Variants in EHBP1 observed in about 807,000 individuals in gnomAD.
EHBP1 encodes the protein EH domain binding protein 1, also known as EH domain-binding protein 1.
A neutral mutation model predicts 144.0 loss-of-function variants in EHBP1; 55 were observed. The ratio of observed to expected loss-of-function variants is 0.38; its 90% CI spans 0.31 to 0.48. The LOEUF (loss-of-function observed/expected upper bound fraction) is 0.48. EHBP1 is among the 20% of genes least tolerant of loss of function. The pLI, the probability that EHBP1 is intolerant of heterozygous loss-of-function variation, is 0.98. For synonymous variants in EHBP1, 469 were observed against 472.7 expected (o/e 0.99, Z 0.10); for missense variants, 1,200 against 1,364.2 (o/e 0.88, Z 1.90).
rs567162210 is a variant in EHBP1, at chr2:62,932,132, G to A, written c.1186-10586G>A. Among the ~76,000 whole-genome samples, 8 of 151,250 alleles carry A rather than the reference G, an allele frequency of 5.3e-5. No individual in the cohort carries two copies. In the South Asian group the frequency reaches 1.7e-3, roughly 32 times the overall value. On this transcript the variant is annotated intron_variant, in intron 10 of 22. Transcript: ENST00000431489. ...GTGGAGGTTGCAGTGGGCCAAGATTGTGCCACTGTACTCTAGCCTGGGTGG... is the reference window on the plus strand; with the variant it reads ...GTGGAGGTTGCAGTGGGCCAAGATTATGCCACTGTACTCTAGCCTGGGTGG...
rs1207402012 is a variant in EHBP1, at chr2:62,948,777, A to G, written c.1931A>G (p.Gln644Arg). Residue 644 changes from glutamine to arginine, a missense_variant, in exon 13 of 23, where the codon CAA becomes CGA. Physicochemically the swap from Gln to Arg is conservative, Grantham distance 43. Transcript: ENST00000431489. Reference protein sequence around the residue: ...PGICSNTDSTQAQVLLGKKRL... With the variant: ...PGICSNTDSTRAQVLLGKKRL... The stretch of plus-strand genomic sequence containing the variant: ...ATATGTTCCAATACAGATTCAACCC[A>G]AGCACAGGTTTTGTTAGGCAAAAAG... The G allele has an allele frequency of 1.2e-6, 2 of 1,614,020 alleles. No homozygotes were observed. Among genetic ancestry groups the G allele is most frequent in the Non-Finnish European group, 8.5e-7 (1 of 1,179,996 alleles).
chr2:62,754,419 A>C (rs2040064015), intron 3 of EHBP1, among the ~76,000 whole-genome samples: 1 of 152,184 alleles, frequency 6.6e-6, no homozygotes. Flanking sequence ...GGTGCCTCCC[A>C]GTTAGGCTAC....
chr2:62,956,693 A>G (rs1383207296), intron 14 of EHBP1, among the ~76,000 whole-genome samples: 2 of 59,428 alleles, frequency 3.4e-5, no homozygotes, highest in Admixed American at 1.6e-4. Flanking sequence ...TTACAGAAAA[A>G]AAAAAAAAAA....
At chr2:62,925,317 T>C (rs2055412112) in intron 10 of EHBP1, among the ~76,000 whole-genome samples, 1 of 151,940 alleles carries the variant, frequency 6.6e-6, no homozygotes, top group African/African-American at 2.4e-5. Flanking sequence ...CTCTTACCAC[T>C]TCTATTCAGC....
At chr2:62,673,926 G>A (rs888541544) in exon 1 of EHBP1, 2 of 423,730 alleles carry the variant, frequency 4.7e-6, no homozygotes, top group Middle Eastern at 3.6e-4. Context: ...AGAGACTGGG[G>A]ATTTGGAGGT....
chr2:62,689,547 G>A (rs1221109351), intron 1 of EHBP1, among the ~76,000 whole-genome samples: 1 of 152,128 alleles, frequency 6.6e-6, no homozygotes, highest in African/African-American at 2.4e-5. Flanking sequence ...GGGAGGCTGA[G>A]GCAGGAGAAT....
At chr2:62,858,716 A>T (rs1457959246) in intron 7 of EHBP1, among the ~76,000 whole-genome samples, 1 of 152,222 alleles carries the variant, frequency 6.6e-6, no homozygotes, top group African/African-American at 2.4e-5. Flanking sequence ...TCCTTGATAG[A>T]CAGTGGTTTT....
intron 21 of EHBP1, among the ~76,000 whole-genome samples, chr2:63,042,259 A>T (rs1391405264): frequency 6.6e-6 from 1 of 152,200 alleles, no homozygotes; most frequent in African/African-American, 2.4e-5. Context: ...TTTAAAAAAG[A>T]TAAAAATAGT....
At chr2:62,994,023 A>ATTAT in intron 18 of EHBP1, 46 bp downstream of exon 18, 1 of 1,342,062 alleles carries the variant, frequency 7.5e-7, no homozygotes, top group Non-Finnish European at 1.0e-6. Context: ...ATAATTCCAA[A>ATTAT]CTGTATGTGG....
At chr2:62,902,087 A>G (rs2053460399) in intron 10 of EHBP1, among the ~76,000 whole-genome samples, 1 of 152,220 alleles carries the variant, frequency 6.6e-6, no homozygotes, top group African/African-American at 2.4e-5. Flanking sequence ...CTACCTGATA[A>G]ATCAAGTATT....
chr2:62,843,521 G>A (rs1032135215), intron 7 of EHBP1, among the ~76,000 whole-genome samples: 41 of 152,100 alleles, frequency 2.7e-4, no homozygotes, highest in Admixed American at 1.4e-3. Context: ...AATCATTGTA[G>A]CATATTTTTT....
chr2:62,795,818 TC>T (rs2043499096), intron 5 of EHBP1, among the ~76,000 whole-genome samples: 1 of 152,078 alleles, frequency 6.6e-6, no homozygotes, highest in South Asian at 2.1e-4. Context: ...TTCCTGGATT[TC>T]CTGCCCTTCC....
chr2:62,716,689 A>G (rs1042866009), intron 2 of EHBP1, among the ~76,000 whole-genome samples: 1 of 152,194 alleles, frequency 6.6e-6, no homozygotes, highest in Non-Finnish European at 1.5e-5. Context: ...GTTGTCTTCC[A>G]TTGGTTCAGC....
At position 62,942,706 on chromosome 2, in the gene EHBP1, A is replaced by T; in HGVS notation, c.1186-12A>T. 2 of 1,553,794 alleles carry T rather than the reference A, an allele frequency of 1.3e-6. No individual in the cohort carries two copies. Among genetic ancestry groups the T allele is most frequent in the Admixed American group, 2.0e-5 (1 of 50,312 alleles). ...ATTCTTTTAATGTTTTCCCCTTTTCATTTTTTTCTAGCCAAGCCCTATACC... is the reference window on the plus strand; with the variant it reads ...ATTCTTTTAATGTTTTCCCCTTTTCTTTTTTTTCTAGCCAAGCCCTATACC... On this transcript the variant is annotated splice_polypyrimidine_tract_variant and intron_variant, in intron 10 of 22. Transcript: ENST00000431489.
chr2:62,759,334 A>C (rs1051724706), intron 3 of EHBP1, among the ~76,000 whole-genome samples: 3 of 152,196 alleles, frequency 2.0e-5, no homozygotes, highest in South Asian at 4.1e-4. Flanking sequence ...TTTATAGGGA[A>C]ATCCTTTCTA....
chr2:62,951,281 T>A (rs2057366520), intron 13 of EHBP1, among the ~76,000 whole-genome samples: 1 of 152,056 alleles, frequency 6.6e-6, no homozygotes. Context: ...CATTTATAAG[T>A]TTTCAGAGGT....
At chr2:62,851,668 T>C (rs1316119058) in intron 7 of EHBP1, among the ~76,000 whole-genome samples, 2 of 152,204 alleles carry the variant, frequency 1.3e-5, no homozygotes, top group Non-Finnish European at 2.9e-5. Context: ...GTGGTTTTTT[T>C]TGGACATTGC....
intron 1 of EHBP1, among the ~76,000 whole-genome samples, chr2:62,678,798 T>C (rs979497062): frequency 1.3e-5 from 2 of 152,194 alleles, no homozygotes; most frequent in Admixed American, 6.5e-5. Context: ...TTTATATATT[T>C]AGTGCTCTAC....
intron 2 of EHBP1, among the ~76,000 whole-genome samples, chr2:62,735,175 G>C (rs563260781): frequency 1.3e-5 from 2 of 152,278 alleles, no homozygotes; most frequent in Admixed American, 1.3e-4. Context: ...GATTACAGGA[G>C]TGAACCACCA....
Sources: gnomAD v4.1 joint callset for allele counts (sites outside exome capture counted in the v4.1 genomes callset) on GRCh38, gnomAD v4.1.1 for gene constraint, MANE v1.5 for transcripts, NCBI Gene and HGNC (gene_info 2026-07-23, HGNC 2026-07-21) for gene names.